Variants in ADAM22 observed in about 807,000 individuals in gnomAD.
ADAM22 encodes ADAM metallopeptidase domain 22.
ADAM22 carries 65 observed loss-of-function variants against 144.6 expected under a neutral mutation model. That is an observed-to-expected ratio of 0.45 (90% confidence interval 0.37 to 0.55). ADAM22 has a LOEUF of 0.55. Among genes scored for constraint, ADAM22 ranks in the 20% least tolerant of loss-of-function variants. The probability of loss-of-function intolerance (pLI) is 0.00; values close to 1 mark genes in which losing one functional copy is unlikely to be tolerated. For missense variants in ADAM22, 974 were observed against 1,184.9 expected, an observed-to-expected ratio of 0.82 and a Z score of 2.61; for synonymous variants, 391 against 412.6, an observed-to-expected ratio of 0.95 and a Z score of 0.63.
intron 30 of ADAM22, among the ~76,000 whole-genome samples, chr7:88,188,187 A>C (rs564900663): frequency 6.6e-6 from 1 of 152,034 alleles, no homozygotes; most frequent in Non-Finnish European, 1.5e-5. Context: ...TTCATCCTAT[A>C]TGGGTTAGGG....
At chr7:88,084,898 G>A (rs1345321589) in intron 4 of ADAM22, among the ~76,000 whole-genome samples, 1 of 152,132 alleles carries the variant, frequency 6.6e-6, no homozygotes, top group African/African-American at 2.4e-5. Flanking sequence ...GGTTTCTGCC[G>A]AGGCCTCTCT....
intron 3 of ADAM22, among the ~76,000 whole-genome samples, chr7:88,046,745 G>A (rs1325189273): frequency 1.3e-5 from 2 of 152,080 alleles, no homozygotes; most frequent in Admixed American, 1.3e-4. Flanking sequence ...TTTTATATAT[G>A]TCATGATTTC....
chr7:88,201,643 T>C lies in ADAM22; in HGVS notation c.*5152T>C, dbSNP rs1049608952. On this transcript the variant is annotated 3_prime_UTR_variant, in exon 32 of 32. Transcript: ENST00000413139. ...TCCCTGTTGCACTGTTCATAAAACCTGTATCATATGGGGAAGCTTCAAGGC... is the reference window on the plus strand; with the variant it reads ...TCCCTGTTGCACTGTTCATAAAACCCGTATCATATGGGGAAGCTTCAAGGC... The C allele has an allele frequency of 1.3e-5, 2 of 152,214 alleles. No individual in the cohort carries two copies. The highest frequency in any genetic ancestry group is 2.9e-5 in the Non-Finnish European group (2 of 68,046). 9.4% of individuals were successfully genotyped at this position (152,214 alleles called of 1,614,324 possible).
At chr7:88,140,998 G>A (rs371422298) in intron 14 of ADAM22, among the ~76,000 whole-genome samples, 1 of 152,192 alleles carries the variant, frequency 6.6e-6, no homozygotes, top group African/African-American at 2.4e-5. Context: ...TGCATGCAGA[G>A]GAGGGGTCCC....
chr7:88,130,864 A>G (rs1831595709), intron 10 of ADAM22, among the ~76,000 whole-genome samples: 2 of 152,134 alleles, frequency 1.3e-5, no homozygotes, highest in South Asian at 4.1e-4. Context: ...TCCCTTGATG[A>G]GGCTGCGCTA....
At chr7:87,963,987 A>G (rs1045318580) in intron 2 of ADAM22, among the ~76,000 whole-genome samples, 1 of 152,196 alleles carries the variant, frequency 6.6e-6, no homozygotes, top group Non-Finnish European at 1.5e-5. Context: ...ATATTAATAT[A>G]TATTTTTTCT....
At chr7:87,972,711 A>G (rs1320695880) in intron 2 of ADAM22, among the ~76,000 whole-genome samples, 1 of 152,256 alleles carries the variant, frequency 6.6e-6, no homozygotes, top group Non-Finnish European at 1.5e-5. Flanking sequence ...TAACCAAAAC[A>G]GCATGGTACT....
At chr7:87,996,423 A>G (rs1017826714) in intron 3 of ADAM22, among the ~76,000 whole-genome samples, 2 of 152,242 alleles carry the variant, frequency 1.3e-5, no homozygotes, top group Admixed American at 1.3e-4. Flanking sequence ...CTTGGATGAC[A>G]GAGAGAAAGA....
At chr7:88,115,890 G>T (rs921055647) in intron 6 of ADAM22, among the ~76,000 whole-genome samples, 2 of 152,190 alleles carry the variant, frequency 1.3e-5, no homozygotes, top group African/African-American at 4.8e-5. Flanking sequence ...CAAATTAGAA[G>T]AAGTTGAATT....
At chr7:88,115,404 G>T (rs369897129) in intron 6 of ADAM22, among the ~76,000 whole-genome samples, 25 of 152,296 alleles carry the variant, frequency 1.6e-4, no homozygotes, top group African/African-American at 5.3e-4. Flanking sequence ...TTAAACAACA[G>T]AAACTTTATC....
intron 5 of ADAM22, among the ~76,000 whole-genome samples, chr7:88,108,492 G>A (rs185098957): frequency 9.9e-4 from 150 of 152,062 alleles, no homozygotes; most frequent in African/African-American, 3.4e-3. Context: ...CTTTGGGGGG[G>A]TCTAGGCAGG....
chr7:88,055,354 A>G (rs1004598821), intron 3 of ADAM22, among the ~76,000 whole-genome samples: 21 of 151,914 alleles, frequency 1.4e-4, no homozygotes, highest in African/African-American at 5.1e-4. Context: ...TCACGAAACT[A>G]GAACTCATCT....
chr7:88,097,479 C>G (rs1821701782), intron 4 of ADAM22, among the ~76,000 whole-genome samples: 1 of 151,970 alleles, frequency 6.6e-6, no homozygotes, highest in Non-Finnish European at 1.5e-5. Flanking sequence ...CAGAAATTTT[C>G]TCTTTATCCT....
chr7:87,981,021 A>G (rs1853279898), intron 3 of ADAM22, among the ~76,000 whole-genome samples: 1 of 152,186 alleles, frequency 6.6e-6, no homozygotes, highest in African/African-American at 2.4e-5. Context: ...ATGTAACTCT[A>G]TTATCTGAGC....
At chr7:88,143,190 CA>C in intron 15 of ADAM22, 65 bp downstream of exon 15, 1 of 1,160,522 alleles carries the variant, frequency 8.6e-7, no homozygotes, top group Admixed American at 1.9e-5. Flanking sequence ...ATTACAAATA[CA>C]CATTTTCAGC....
intron 2 of ADAM22, among the ~76,000 whole-genome samples, chr7:87,963,450 A>G (rs1848409631): frequency 6.6e-6 from 1 of 152,232 alleles, no homozygotes; most frequent in Non-Finnish European, 1.5e-5. Context: ...TTTAAAAAAA[A>G]CTATTATAAA....
chr7:88,102,618 G>A (rs750982522), intron 4 of ADAM22, among the ~76,000 whole-genome samples: 1 of 152,164 alleles, frequency 6.6e-6, no homozygotes, highest in Non-Finnish European at 1.5e-5. Context: ...AGAAAAACAC[G>A]GAGTATTTGT....
At chr7:88,081,055 C>G (rs1300720423) in intron 4 of ADAM22, among the ~76,000 whole-genome samples, 1 of 152,180 alleles carries the variant, frequency 6.6e-6, no homozygotes, top group Non-Finnish European at 1.5e-5. Context: ...AATTTTAGAT[C>G]AATAACCTTG....
intron 3 of ADAM22, among the ~76,000 whole-genome samples, chr7:88,055,121 A>C (rs534273598): frequency 1.7e-4 from 26 of 152,016 alleles, no homozygotes; most frequent in African/African-American, 5.8e-4. Context: ...ATATATATAT[A>C]TCTTTTGTTT....
Sources: allele counts gnomAD v4.1 joint callset (sites outside exome capture counted in the v4.1 genomes callset), GRCh38; gene constraint gnomAD v4.1.1; transcripts MANE v1.5; gene names NCBI Gene and HGNC (gene_info 2026-07-23, HGNC 2026-07-21).